CCKBR: variants seen among roughly 807,000 people sequenced by gnomAD.
The protein encoded by CCKBR is cholecystokinin B receptor, also known as gastrin/cholecystokinin type B receptor.
CCKBR carries 33 observed loss-of-function variants against 34.6 expected under a neutral mutation model. The ratio of observed to expected loss-of-function variants is 0.95; its 90% CI spans 0.72 to 1.27. CCKBR has a LOEUF of 1.27. Ranked by LOEUF, CCKBR falls within the 50% of genes most tolerant of loss-of-function variation. The pLI is 0.00. For missense variants in CCKBR, 652 were observed against 617.4 expected, an observed-to-expected ratio of 1.06 and a Z score of -0.59; for synonymous variants, 269 against 267.5, an observed-to-expected ratio of 1.01 and a Z score of -0.06.
chr11:6,271,159 C>T lies in CCKBR; in HGVS notation c.960C>T (p.Pro320=), dbSNP rs201673722. ...CTGGGCCGGGATCCGGCTCCCGGCC[C>T]ACCCAGGCCAAGCTGCTGGCTAAGA... ...TAPGPGSGSR[P]TQAKLLAKKR... Residue 320 remains proline, a synonymous_variant, in exon 5 of 5, where the codon CCC becomes CCT. Transcript: ENST00000334619. The T allele has an allele frequency of 1.2e-6, 2 of 1,614,176 alleles. No homozygotes were observed. Among genetic ancestry groups the T allele is most frequent in the Admixed American group, 1.7e-5 (1 of 60,034 alleles).
Position 6,270,692 on chromosome 11 carries a change from A to G in CCKBR, c.700A>G (p.Met234Val), listed in dbSNP as rs201213697. 6.2e-7 allele frequency: 1 copy of G among 1,613,802 alleles called. No individual in the cohort carries two copies. The highest frequency in any genetic ancestry group is 8.5e-7 in the Non-Finnish European group (1 of 1,179,748). The change falls in exon 4 of 5, where the codon ATG (methionine) becomes GTG (valine). Residue 234 changes from methionine to valine, a missense_variant. Transcript: ENST00000334619. ...LLLFFIPGVV[M>V]AVAYGLISRE... ...CTTGTTCTTCATCCCGGGTGTGGTTATGGCCGTGGCCTACGGGCTTATCTC... is the reference window on the plus strand; with the variant it reads ...CTTGTTCTTCATCCCGGGTGTGGTTGTGGCCGTGGCCTACGGGCTTATCTC...
At position 6,271,472 on chromosome 11, in the gene CCKBR, C is replaced by T; in HGVS notation, c.1273C>T (p.Pro425Ser). 1.2e-6 allele frequency: 2 copies of T among 1,612,682 alleles called. No homozygotes were observed. The highest frequency in any genetic ancestry group is 1.1e-5 in the South Asian group (1 of 91,066). ...ARPRALPDED[P>S]PTPSIASLSR... is the part of the protein sequence containing the mutation. ...CCCCAGGGCTCTTCCCGATGAGGAC[C>T]CTCCCACTCCCTCCATTGCTTCGCT... is the stretch of plus-strand genomic sequence containing the variant. The change falls in exon 5 of 5, where the codon CCT becomes TCT. Residue 425 changes from proline (P) to serine (S), a missense_variant. Pro to Ser is a moderately conservative substitution (Grantham distance 74). Coordinates refer to ENST00000334619, the MANE Select transcript of CCKBR (RefSeq NM_176875.4).
intron 1 of CCKBR, chr11:6,264,477 G>A (rs1250810098): frequency 2.9e-6 from 2 of 693,046 alleles, no homozygotes; most frequent in Non-Finnish European, 5.2e-6. Flanking sequence ...TATCTAGACA[G>A]AACAAATACA....
chr11:6,262,042 G>A (rs996205645), intron 1 of CCKBR, among the ~76,000 whole-genome samples: 4 of 152,184 alleles, frequency 2.6e-5, no homozygotes, highest in African/African-American at 7.2e-5. Flanking sequence ...AATGGATATT[G>A]GTGCTATAGC....
At chr11:6,267,014 AAAAGATAAACCATCATACAC>A (rs1260554771) in intron 1 of CCKBR, among the ~76,000 whole-genome samples, 1 of 152,242 alleles carries the variant, frequency 6.6e-6, no homozygotes, top group Non-Finnish European at 1.5e-5. Context: ...AATACAGCAT[AAAAGATAAACCATCATACAC>A]CTGTATAGGG....
At position 6,271,445 on chromosome 11, in the gene CCKBR, C is replaced by A. The variant is rs753026530; in HGVS notation, c.1246C>A (p.Arg416Ser). The A allele has an allele frequency of 6.2e-7, 1 of 1,613,466 alleles. No individual in the cohort carries two copies. Among genetic ancestry groups the A allele is most frequent in the Non-Finnish European group, 8.5e-7 (1 of 1,180,022 alleles). ...ARCCPRPPRA[R>S]PRALPDEDPP... Reference sequence around the variant, plus strand: ...CTGCTGCCCCCGGCCTCCACGAGCTCGCCCCAGGGCTCTTCCCGATGAGGA... The same window carrying A: ...CTGCTGCCCCCGGCCTCCACGAGCTAGCCCCAGGGCTCTTCCCGATGAGGA... The change falls in exon 5 of 5, where the codon CGC becomes AGC. Residue 416 changes from arginine to serine, a missense_variant. By Grantham distance (110) the Arg-to-Ser change is moderately radical. Coordinates refer to ENST00000334619, the MANE Select transcript of CCKBR (RefSeq NM_176875.4).
chr11:6,265,149 A>G (rs1256527058), intron 1 of CCKBR, among the ~76,000 whole-genome samples: 2 of 152,158 alleles, frequency 1.3e-5, no homozygotes, highest in Non-Finnish European at 2.9e-5. Context: ...TTTTAATTAG[A>G]ATTTTTCACA....
At position 6,259,878 on chromosome 11, in the gene CCKBR, T is replaced by G. The variant is rs2929180; in HGVS notation, c.-51T>G. ...CGCAGCGTGAGCAGGTGGAGCCGCGTTGGGAGCCCGCCGGGTCGAGCTGAG... is the reference window on the plus strand; with the variant it reads ...CGCAGCGTGAGCAGGTGGAGCCGCGGTGGGAGCCCGCCGGGTCGAGCTGAG... On this transcript the variant is annotated 5_prime_UTR_variant, in exon 1 of 5. Coordinates refer to ENST00000334619, the MANE Select transcript of CCKBR (RefSeq NM_176875.4). 1,117,214 of 1,372,200 alleles carry G rather than the reference T, an allele frequency of 0.81. 456,007 individuals are homozygous for G. Among genetic ancestry groups the G allele is most frequent in the East Asian group, 0.97 (31,184 of 32,118 alleles). The allele number at this position is 1,372,200 out of a possible 1,614,324, so 85.0% of individuals were successfully genotyped here. A position where few individuals can be genotyped will look rare whatever the true frequency, so the allele number is the denominator to read the frequency against.
In CCKBR at chr11:6,271,492, T is replaced by C; in HGVS notation, c.1293T>C (p.Ala431=). Residue 431 remains alanine, a synonymous_variant, in exon 5 of 5, where the codon GCT becomes GCC. Transcript: ENST00000334619. The part of the protein sequence containing the change: ...PDEDPPTPSI[A]SLSRLSYTTI... ...AGGACCCTCCCACTCCCTCCATTGC[T>C]TCGCTGTCCAGGCTTAGCTACACCA... 1 of 1,611,298 alleles carries C rather than the reference T, an allele frequency of 6.2e-7. No homozygotes were observed. Among genetic ancestry groups the C allele is most frequent in the Non-Finnish European group, 8.5e-7 (1 of 1,179,314 alleles).
chr11:6,270,157 G>T lies in CCKBR; in HGVS notation c.473G>T (p.Arg158Leu), dbSNP rs148250134. The T allele has an allele frequency of 1.9e-6, 3 of 1,613,880 alleles. No individual in the cohort carries two copies. The highest frequency in any genetic ancestry group is 2.2e-5 in the East Asian group (1 of 44,880). ...CTGGAGCGGTACAGCGCCATCTGCC[G>T]ACCACTGCAGGCACGAGTGTGGCAG... is the stretch of plus-strand genomic sequence containing the variant. ...IALERYSAICRPLQARVWQTR... is the reference protein window; with the variant it reads ...IALERYSAICLPLQARVWQTR... Residue 158 changes from arginine (R) to leucine (L), a missense_variant, in exon 3 of 5, where the codon CGA becomes CTA. Arg to Leu is a moderately radical substitution (Grantham distance 102). Transcript: ENST00000334619.
intron 1 of CCKBR, among the ~76,000 whole-genome samples, chr11:6,263,926 A>C (rs1317160658): frequency 6.6e-6 from 1 of 152,228 alleles, no homozygotes; most frequent in Non-Finnish European, 1.5e-5. Context: ...AATGTAATCT[A>C]TGCTTCCTGA....
At chr11:6,262,966 C>G (rs1449904425) in intron 1 of CCKBR, among the ~76,000 whole-genome samples, 3 of 152,120 alleles carry the variant, frequency 2.0e-5, no homozygotes, top group African/African-American at 7.2e-5. Context: ...AGCACAGGTG[C>G]AAAAATTTGC....
chr11:6,268,173 G>A (rs1247368749), intron 1 of CCKBR, among the ~76,000 whole-genome samples: 1 of 152,106 alleles, frequency 6.6e-6, no homozygotes, highest in South Asian at 2.1e-4. Context: ...GACCACCATC[G>A]TATATGAAAT....
At chr11:6,270,910 G>C (rs1564888897) in intron 4 of CCKBR, 101 bp from the exon 5 acceptor site, 1 of 1,611,144 alleles carries the variant, frequency 6.2e-7, no homozygotes, top group Non-Finnish European at 8.5e-7. Flanking sequence ...TGAGAAGGAA[G>C]CTGGAAATGG....
intron 1 of CCKBR, among the ~76,000 whole-genome samples, chr11:6,267,157 T>G (rs1813441812): frequency 6.6e-6 from 1 of 152,230 alleles, no homozygotes; most frequent in Non-Finnish European, 1.5e-5. Context: ...GTAGACTTTA[T>G]AAACACTGGA....
intron 4 of CCKBR, 57 bp from the exon 5 acceptor site, chr11:6,270,954 G>A (rs1267331092): frequency 6.2e-7 from 1 of 1,613,062 alleles, no homozygotes; most frequent in Admixed American, 1.7e-5. Context: ...GGTGGGGACT[G>A]GGCTGGAGAC....
At chr11:6,267,850 T>G (rs1297280903) in intron 1 of CCKBR, among the ~76,000 whole-genome samples, 2 of 152,212 alleles carry the variant, frequency 1.3e-5, no homozygotes, top group African/African-American at 4.8e-5. Flanking sequence ...TGTTGTTATT[T>G]TGGGTTTTGT....
chr11:6,271,628 C>A lies in CCKBR; in HGVS notation c.*85C>A. ...CATACGAAACACAAACCACAACTGA[C>A]ACAGGAAACCAACACCCAAAGCATG... On this transcript the variant is annotated 3_prime_UTR_variant, in exon 5 of 5. Transcript: ENST00000334619. 7.5e-7 allele frequency: 1 copy of A among 1,332,080 alleles called. No homozygotes were observed. Among genetic ancestry groups the A allele is most frequent in the Non-Finnish European group, 1.0e-6 (1 of 991,304 alleles). 82.5% of individuals were successfully genotyped at this position (1,332,080 alleles called of 1,614,324 possible). A position where few individuals can be genotyped will look rare whatever the true frequency, so the allele number is the denominator to read the frequency against.
chr11:6,270,560 C>T (rs1848283644), intron 3 of CCKBR, 86 bp from the exon 4 acceptor site: 1 of 1,471,086 alleles, frequency 6.8e-7, no homozygotes, highest in East Asian at 2.3e-5. Context: ...CTGGCCACAG[C>T]CCTAGAAACA....
Sources: gnomAD v4.1 joint callset for allele counts (sites outside exome capture counted in the v4.1 genomes callset) on GRCh38, gnomAD v4.1.1 for gene constraint, MANE v1.5 for transcripts, NCBI Gene and HGNC (gene_info 2026-07-23, HGNC 2026-07-21) for gene names.